GUF1: variants seen among roughly 807,000 people sequenced by gnomAD.
GUF1 encodes the protein GTP binding elongation factor GUF1.
In GUF1, 78 loss-of-function variants were observed where a neutral mutation model predicts 82.4. The observed-to-expected ratio is 0.95, with a 90% CI of 0.79 to 1.14. The LOEUF (loss-of-function observed/expected upper bound fraction) is 1.14. GUF1 is among the 50% of genes most tolerant of loss of function. The pLI, the probability that GUF1 is intolerant of heterozygous loss-of-function variation, is 0.00. For missense variants in GUF1, 814 were observed against 798.2 expected (o/e 1.02, Z -0.24); for synonymous variants, 279 against 282.3 (o/e 0.99, Z 0.12).
Position 44,698,565 on chromosome 4 carries a change from A to G in GUF1, c.1894A>G (p.Lys632Glu). Residue 632 changes from lysine (K) to glutamate (E), a missense_variant, in exon 17 of 17, where the codon AAA (lysine) becomes GAA (glutamate). Physicochemically the swap from Lys to Glu is moderately conservative, Grantham distance 56 (BLOSUM62 1). Transcript: ENST00000281543. ...AKCYGGDITR[K>E]MKLLKRQAEG... ...TCAGTATGGTGGTGATATTACCCGA[A>G]AAATGAAGCTTTTGAAGAGACAAGC... The G allele has an allele frequency of 6.3e-7, 1 of 1,599,962 alleles. No individual in the cohort carries two copies. Among genetic ancestry groups the G allele is most frequent in the Non-Finnish European group, 8.5e-7 (1 of 1,176,304 alleles).
intron 13 of GUF1, 161 bp from the exon 14 acceptor site, chr4:44,694,251 G>C: frequency 1.7e-6 from 1 of 591,408 alleles, no homozygotes; most frequent in South Asian, 2.0e-5. Flanking sequence ...ATAACATTTA[G>C]ATCCATTCAC....
Position 44,690,789 on chromosome 4 carries a change from T to G in GUF1, c.1408T>G (p.Leu470Val), listed in dbSNP as rs1460237796. ...FPDKSKVTEY[L>V]EPVVLGTIIT... Reference sequence around the variant, plus strand: ...CGATAAATCAAAAGTAACAGAATATTTGGAGCCAGTTGTTTTGGGCACTAT... The same window carrying G: ...CGATAAATCAAAAGTAACAGAATATGTGGAGCCAGTTGTTTTGGGCACTAT... Residue 470 changes from leucine (L) to valine (V), a missense_variant, in exon 12 of 17, where the codon TTG (leucine) becomes GTG (valine). Physicochemically the swap from Leu to Val is conservative, Grantham distance 32. Transcript: ENST00000281543. 2 of 1,602,344 alleles carry G rather than the reference T, an allele frequency of 1.2e-6. No individual in the cohort carries two copies. The highest frequency in any genetic ancestry group is 2.7e-5 in the African/African-American group (2 of 74,592).
intron 11 of GUF1, among the ~76,000 whole-genome samples, chr4:44,690,405 A>G (rs1715357933): frequency 6.6e-6 from 1 of 151,786 alleles, no homozygotes; most frequent in African/African-American, 2.4e-5. Context: ...ATTGTATTCC[A>G]TGTAAGTGGC....
At chr4:44,691,046 A>T (rs1055221204) in intron 12 of GUF1, among the ~76,000 whole-genome samples, 186 bp downstream of exon 12, 1 of 151,698 alleles carries the variant, frequency 6.6e-6, no homozygotes, top group African/African-American at 2.4e-5. Context: ...GATTTTAAAT[A>T]AAAATATTTC....
chr4:44,693,261 C>T (rs540335113), intron 13 of GUF1, among the ~76,000 whole-genome samples: 3 of 151,922 alleles, frequency 2.0e-5, no homozygotes, highest in Non-Finnish European at 4.4e-5. Flanking sequence ...CCTATGTTTT[C>T]AATAGAGGTT....
Position 44,690,869 on chromosome 4 carries a change from A to G in GUF1, c.1479+9A>G, listed in dbSNP as rs774943864. On this transcript the variant is annotated intron_variant, in intron 12 of 16. Transcript: ENST00000281543. ...TAATGATGCTTTGCGAGGTATAACT[A>G]TAATACAATTTAATACAAAATTAGG... is the stretch of plus-strand genomic sequence containing the variant. 7 of 1,574,828 alleles carry G rather than the reference A, an allele frequency of 4.4e-6. No individual in the cohort carries two copies. In the Middle Eastern group the frequency reaches 5.2e-4, roughly 117 times the overall value.
intron 13 of GUF1, among the ~76,000 whole-genome samples, chr4:44,693,196 G>A (rs1169994561): frequency 6.6e-6 from 1 of 152,000 alleles, no homozygotes; most frequent in Non-Finnish European, 1.5e-5. Flanking sequence ...ACAGCAACTA[G>A]TAGCTTTTTG....
chr4:44,686,394 C>A, intron 7 of GUF1, 116 bp from the exon 8 acceptor site: 1 of 558,320 alleles, frequency 1.8e-6, no homozygotes, highest in Non-Finnish European at 3.0e-6. Flanking sequence ...TTTATTTAGG[C>A]TGTTGTGTAT....
chr4:44,680,861 T>G lies in GUF1; in HGVS notation c.426+19T>G. 1 of 1,581,086 alleles carries G rather than the reference T, an allele frequency of 6.3e-7. No homozygotes were observed. Among genetic ancestry groups the G allele is most frequent in the Non-Finnish European group, 8.6e-7 (1 of 1,157,580 alleles). On this transcript the variant is annotated intron_variant, in intron 3 of 16. Coordinates refer to ENST00000281543, the MANE Select transcript of GUF1 (RefSeq NM_021927.3). Reference sequence around the variant, plus strand: ...TACACCGGTAAGTTTAATATTAATTTTGCATGTATTGTTAAAGTCAACATT... The same window carrying G: ...TACACCGGTAAGTTTAATATTAATTGTGCATGTATTGTTAAAGTCAACATT...
At chr4:44,687,755 A>T (rs1031734561) in intron 8 of GUF1, among the ~76,000 whole-genome samples, 2 of 151,998 alleles carry the variant, frequency 1.3e-5, no homozygotes, top group African/African-American at 4.8e-5. Context: ...TGCTGTTTAA[A>T]TTGCAAAGGT....
chr4:44,679,212 A>T (rs1714625534), intron 1 of GUF1, among the ~76,000 whole-genome samples: 2 of 152,192 alleles, frequency 1.3e-5, no homozygotes, highest in Admixed American at 6.5e-5. Context: ...TGAATGCAGA[A>T]CTGATCAAAC....
In GUF1 at chr4:44,680,710, AAAG is replaced by A. The variant is rs778922022; in HGVS notation, c.297_299del (p.Lys99del). The A allele has an allele frequency of 4.4e-6, 7 of 1,600,898 alleles. No individual in the cohort carries two copies. The South Asian group carries it at 6.7e-5, about 15-fold the overall frequency. ...TGTTTATAGGGACAATTGATAAAAC[AAAG>A]AATAATAAGCAGGTTCTTGATAAAT... is the stretch of plus-strand genomic sequence containing the variant. On this transcript the variant is annotated inframe_deletion, in exon 3 of 17. Transcript: ENST00000281543.
chr4:44,698,633 T>C lies in GUF1; in HGVS notation c.1962T>C (p.Val654=), dbSNP rs2109675722. 1.2e-6 allele frequency: 2 copies of C among 1,609,568 alleles called. No homozygotes were observed. Among genetic ancestry groups the C allele is most frequent in the Non-Finnish European group, 1.7e-6 (2 of 1,178,662 alleles). The part of the protein sequence containing the change: ...KKLRKIGNVE[V]PKDAFIKVLK... ...TGAGGAAAATTGGCAACGTTGAAGT[T>C]CCAAAAGATGCTTTTATAAAAGTTC... is the stretch of plus-strand genomic sequence containing the variant. The change falls in exon 17 of 17, where the codon GTT becomes GTC. Residue 654 remains valine (V), a synonymous_variant. Transcript: ENST00000281543.
At chr4:44,692,216 A>C (rs1715492230) in intron 13 of GUF1, among the ~76,000 whole-genome samples, 1 of 151,940 alleles carries the variant, frequency 6.6e-6, no homozygotes, top group Non-Finnish European at 1.5e-5. Context: ...GTCTGTAAAA[A>C]ATGTTAGATG....
chr4:44,694,268 C>G (rs1442921196), intron 13 of GUF1, 144 bp from the exon 14 acceptor site: 6 of 625,608 alleles, frequency 9.6e-6, no homozygotes, highest in South Asian at 9.5e-5. Flanking sequence ...TCACAAGAAA[C>G]TGTATATGTA....
At chr4:44,679,691 CAA>C (rs1228178170) in intron 1 of GUF1, among the ~76,000 whole-genome samples, 2 of 151,944 alleles carry the variant, frequency 1.3e-5, no homozygotes, top group African/African-American at 2.4e-5. Context: ...TATTAAAAAA[CAA>C]AGCTCACGTG....
Position 44,698,566 on chromosome 4 carries a change from A to T in GUF1, c.1895A>T (p.Lys632Ile). 1 of 1,600,502 alleles carries T rather than the reference A, an allele frequency of 6.2e-7. No individual in the cohort carries two copies. Among genetic ancestry groups the T allele is most frequent in the Non-Finnish European group, 8.5e-7 (1 of 1,176,452 alleles). Residue 632 changes from lysine (K) to isoleucine (I), a missense_variant, in exon 17 of 17, where the codon AAA becomes ATA. Transcript: ENST00000281543. ...AKCYGGDITR[K>I]MKLLKRQAEG... ...CAGTATGGTGGTGATATTACCCGAA[A>T]AATGAAGCTTTTGAAGAGACAAGCA... is the stretch of plus-strand genomic sequence containing the variant.
intron 13 of GUF1, among the ~76,000 whole-genome samples, chr4:44,692,490 A>T (rs373315417): frequency 7.2e-5 from 11 of 151,936 alleles, no homozygotes; most frequent in African/African-American, 2.7e-4. Context: ...GATAGTATAT[A>T]TAGAAAACAG....
intron 10 of GUF1, 61 bp from the exon 11 acceptor site, chr4:44,689,782 A>AG (rs1715307983): frequency 1.4e-6 from 2 of 1,418,424 alleles, no homozygotes; most frequent in African/African-American, 1.4e-5. Flanking sequence ...GTTCATTAAA[A>AG]AAAAAAAAAA....
Sources: gnomAD v4.1 joint callset for allele counts (sites outside exome capture counted in the v4.1 genomes callset) on GRCh38, gnomAD v4.1.1 for gene constraint, MANE v1.5 for transcripts, NCBI Gene and HGNC (gene_info 2026-07-23, HGNC 2026-07-21) for gene names.